TEKT1: variants seen among roughly 807,000 people sequenced by gnomAD.
TEKT1 encodes the protein tektin 1, also known as tektin-1.
Under a neutral mutation model 34.8 loss-of-function variants are expected in TEKT1, and 32 were observed. The ratio of observed to expected loss-of-function variants is 0.92; its 90% CI spans 0.69 to 1.23. The LOEUF (loss-of-function observed/expected upper bound fraction) is 1.23. Ranked by LOEUF, TEKT1 falls within the 50% of genes most tolerant of loss-of-function variation. The probability of loss-of-function intolerance (pLI) is 0.00; values close to 1 mark genes in which losing one functional copy is unlikely to be tolerated. For missense variants in TEKT1, 492 were observed against 518.5 expected (o/e 0.95, Z 0.50); for synonymous variants, 207 against 199.8 (o/e 1.04, Z -0.30).
chr17:6,808,968 CTG>C (rs1233710519), intron 6 of TEKT1, among the ~76,000 whole-genome samples: 1 of 152,080 alleles, frequency 6.6e-6, no homozygotes, highest in Non-Finnish European at 1.5e-5. Flanking sequence ...TTTGTACAGA[CTG>C]TGAAATAAGA....
rs1339399957 is a variant in TEKT1, at chr17:6,815,152, G to C, written c.629+11C>G. The C allele has an allele frequency of 1.2e-6, 2 of 1,605,476 alleles. No homozygotes were observed. The highest frequency in any genetic ancestry group is 2.2e-5 in the South Asian group (2 of 89,178). On this transcript the variant is annotated intron_variant, in intron 5 of 7. Coordinates refer to ENST00000338694, the MANE Select transcript of TEKT1 (RefSeq NM_053285.2). ...TCACCCGCGAGGAGGAAGACGGCAA[G>C]GCCCACTCACTTTGGCTCAATCCTC...
At position 6,830,263 on chromosome 17, in the gene TEKT1, G is replaced by T. The variant is rs145017654; in HGVS notation, c.114C>A (p.Val38=). ...DAQRSRSERL[V]AESQRLVDEI... is the part of the protein sequence containing the mutation. ...CATCCACAAGCCTCTGGCTTTCTGC[G>T]ACCAGGCGTTCTGATCGGGACCTTT... Residue 38 remains valine (V), a synonymous_variant, in exon 2 of 8, where the codon GTC becomes GTA. Transcript: ENST00000338694. The T allele has an allele frequency of 5.9e-5, 95 of 1,612,952 alleles. No individual in the cohort carries two copies. Among genetic ancestry groups the T allele is most frequent in the Non-Finnish European group, 7.8e-5 (92 of 1,179,854 alleles).
rs1904533997 is a variant in TEKT1 at position 6,830,213 on chromosome 17, G to T, written c.164C>A (p.Ser55Tyr). Residue 55 changes from serine to tyrosine, a missense_variant, in exon 2 of 8, where the codon TCT becomes TAT. Physicochemically the swap from Ser to Tyr is moderately radical, Grantham distance 144. Transcript: ENST00000338694. ...VDEIEKTTRK[S>Y]QSDVNKKLEQ... ...TAGTTTCTTGTTCACATCGCTTTGAGATTTTCTTGTGGTCTTTTCAATTTC... is the reference window on the plus strand; with the variant it reads ...TAGTTTCTTGTTCACATCGCTTTGATATTTTCTTGTGGTCTTTTCAATTTC... 5 of 1,609,592 alleles carry T rather than the reference G, an allele frequency of 3.1e-6. No individual in the cohort carries two copies. The East Asian group carries it at 1.1e-4, about 36-fold the overall frequency.
chr17:6,824,115 C>A (rs1904333484), intron 2 of TEKT1, among the ~76,000 whole-genome samples: 2 of 152,140 alleles, frequency 1.3e-5, no homozygotes, highest in Non-Finnish European at 1.5e-5. Flanking sequence ...AGCCACTGCG[C>A]CCAGCCAAAA....
At chr17:6,830,504 T>C in intron 1 of TEKT1, 111 bp from the exon 2 acceptor site, 1 of 767,862 alleles carries the variant, frequency 1.3e-6, no homozygotes. Context: ...TCATAATCTG[T>C]ACACAAAATA....
intron 4 of TEKT1, 121 bp from the exon 5 acceptor site, chr17:6,815,427 C>T: frequency 2.6e-6 from 3 of 1,165,992 alleles, no homozygotes; most frequent in Non-Finnish European, 3.8e-6. Flanking sequence ...TGGTACTGCC[C>T]CCCACCCATC....
rs751160432 is a variant in TEKT1 at position 6,830,349 on chromosome 17, T to A, written c.28A>T (p.Lys10Ter). 1.2e-5 allele frequency: 19 copies of A among 1,596,064 alleles called. No individual in the cohort carries two copies. The highest frequency in any genetic ancestry group is 1.6e-5 in the Non-Finnish European group (19 of 1,176,022). Residue 10 changes from lysine (K) to a stop codon, truncating the protein, a stop_gained, in exon 2 of 8, where the codon AAG becomes TAG. Coordinates refer to ENST00000338694, the MANE Select transcript of TEKT1 (RefSeq NM_053285.2). LOFTEE classifies it high-confidence loss of function. MAKLLQPPP[K>*]FLPSEWHIAN... ...ATGTGCCACTCTGAGGGCAGGAACTTGGGTGGAGGTTGTAATAGTTTAGCC... is the reference window on the plus strand; with the variant it reads ...ATGTGCCACTCTGAGGGCAGGAACTAGGGTGGAGGTTGTAATAGTTTAGCC...
chr17:6,814,966 A>C, intron 5 of TEKT1, 197 bp downstream of exon 5: 1 of 569,952 alleles, frequency 1.8e-6, no homozygotes, highest in Non-Finnish European at 3.0e-6. Context: ...TTTATGTCAG[A>C]CTTTCTTAGT....
intron 6 of TEKT1, among the ~76,000 whole-genome samples, chr17:6,807,182 T>C (rs1238971263): frequency 1.3e-5 from 2 of 152,218 alleles, no homozygotes; most frequent in African/African-American, 2.4e-5. Flanking sequence ...CATTCTTTTT[T>C]CTCTAAACTT....
intron 6 of TEKT1, among the ~76,000 whole-genome samples, chr17:6,808,022 G>C (rs965060695): frequency 6.6e-6 from 1 of 152,216 alleles, no homozygotes; most frequent in African/African-American, 2.4e-5. Flanking sequence ...TAAGTCTGCA[G>C]AGGATTCTGC....
Position 6,800,081 on chromosome 17 carries a change from A to T in TEKT1, c.1203T>A (p.Asp401Glu). The T allele has an allele frequency of 6.2e-7, 1 of 1,613,260 alleles. No homozygotes were observed. Among genetic ancestry groups the T allele is most frequent in the African/African-American group, 1.3e-5 (1 of 75,062 alleles). ...MQMRKSIPLRDGEDHGVWAGG... is the reference protein window; with the variant it reads ...MQMRKSIPLREGEDHGVWAGG... The stretch of plus-strand genomic sequence containing the variant: ...CAGCCCAGACCCCATGGTCTTCCCC[A>T]TCCCGAAGTGGGATGGATTTCCTCA... Residue 401 changes from aspartate (D) to glutamate (E), a missense_variant, in exon 8 of 8, where the codon GAT becomes GAA. Asp to Glu is a conservative substitution (Grantham distance 45). Coordinates refer to ENST00000338694, the MANE Select transcript of TEKT1 (RefSeq NM_053285.2).
At position 6,830,181 on chromosome 17, in the gene TEKT1, T is replaced by A; in HGVS notation, c.190+6A>T. Reference sequence around the variant, plus strand: ...GTTCACGAATATGCCAAGCATGTTGTCTTACCTAGTTTCTTGTTCACATCG... The same window carrying A: ...GTTCACGAATATGCCAAGCATGTTGACTTACCTAGTTTCTTGTTCACATCG... On this transcript the variant is annotated splice_donor_region_variant and intron_variant, in intron 2 of 7. Coordinates refer to ENST00000338694, the MANE Select transcript of TEKT1 (RefSeq NM_053285.2). 1 of 1,607,386 alleles carries A rather than the reference T, an allele frequency of 6.2e-7. No homozygotes were observed. The highest frequency in any genetic ancestry group is 1.3e-5 in the African/African-American group (1 of 74,478).
chr17:6,830,447 T>C (rs888877796), intron 1 of TEKT1, 54 bp from the exon 2 acceptor site: 4 of 1,225,312 alleles, frequency 3.3e-6, no homozygotes, highest in Admixed American at 3.2e-5. Flanking sequence ...TCCTTTTTTA[T>C]GATAATTTTT....
chr17:6,800,179 G>C lies in TEKT1; in HGVS notation c.1105C>G (p.Gln369Glu), dbSNP rs1229082931. 6.2e-7 allele frequency: 1 copy of C among 1,614,208 alleles called. No homozygotes were observed. The highest frequency in any genetic ancestry group is 8.5e-7 in the Non-Finnish European group (1 of 1,180,038). Residue 369 changes from glutamine (Q) to glutamate (E), a missense_variant, in exon 8 of 8, where the codon CAG (glutamine) becomes GAG (glutamate). By Grantham distance (29) the Gln-to-Glu change is conservative. Transcript: ENST00000338694. Reference protein sequence around the residue: ...QAELKGLHRRQLALQEEIQVK... With the variant: ...QAELKGLHRRELALQEEIQVK... ...TGGATCTCCTCCTGCAGGGCAAGCT[G>C]TCTGCGATGCAGCCCTTTCAGCTCT...
At chr17:6,808,129 AG>A (rs1976871676) in intron 6 of TEKT1, among the ~76,000 whole-genome samples, 1 of 152,128 alleles carries the variant, frequency 6.6e-6, no homozygotes, top group African/African-American at 2.4e-5. Flanking sequence ...TTCGAGCTTC[AG>A]GGCTGCTTTG....
At chr17:6,824,573 T>A (rs894109682) in intron 2 of TEKT1, among the ~76,000 whole-genome samples, 1 of 152,226 alleles carries the variant, frequency 6.6e-6, no homozygotes, top group African/African-American at 2.4e-5. Flanking sequence ...ATCGAGCACC[T>A]TTTCTCTCCA....
chr17:6,813,840 C>A (rs773288433), intron 5 of TEKT1, among the ~76,000 whole-genome samples: 17 of 152,066 alleles, frequency 1.1e-4, no homozygotes, highest in Non-Finnish European at 2.4e-4. Flanking sequence ...TTTGTGTAAT[C>A]CCCTCGCCTT....
At chr17:6,806,340 T>G (rs1976843597) in intron 6 of TEKT1, among the ~76,000 whole-genome samples, 1 of 141,274 alleles carries the variant, frequency 7.1e-6, no homozygotes, top group South Asian at 2.3e-4. Flanking sequence ...TTCCATCCCT[T>G]TATTTTGAGC....
intron 2 of TEKT1, among the ~76,000 whole-genome samples, chr17:6,824,387 C>T (rs555491562): frequency 6.6e-6 from 1 of 152,204 alleles, no homozygotes; most frequent in East Asian, 1.9e-4. Flanking sequence ...CTTGGCCCTG[C>T]TTCATCTCCC....
Sources: allele counts gnomAD v4.1 joint callset (sites outside exome capture counted in the v4.1 genomes callset), GRCh38; gene constraint gnomAD v4.1.1; transcripts MANE v1.5; gene names NCBI Gene and HGNC (gene_info 2026-07-23, HGNC 2026-07-21).